The following PARP16 variants were observed in gnomAD, a reference collection of about 807,000 sequenced individuals.
The protein encoded by PARP16 is poly(ADP-ribose) polymerase family member 16, also known as protein mono-ADP-ribosyltransferase PARP16.
Under a neutral mutation model 35.0 loss-of-function variants are expected in PARP16, and 31 were observed. The ratio of observed to expected loss-of-function variants is 0.88; its 90% CI spans 0.66 to 1.19. The LOEUF (loss-of-function observed/expected upper bound fraction) is 1.19. Among genes scored for constraint, PARP16 ranks in the 50% most tolerant of loss-of-function variants. PARP16 has a pLI of 0.00. For synonymous variants in PARP16, 162 were observed against 169.5 expected, an observed-to-expected ratio of 0.96 and a Z score of 0.34; for missense variants, 424 against 411.2, an observed-to-expected ratio of 1.03 and a Z score of -0.27.
intron 1 of PARP16, among the ~76,000 whole-genome samples, chr15:65,284,382 G>T (rs1464376441): frequency 3.0e-5 from 3 of 100,886 alleles, no homozygotes; most frequent in African/African-American, 4.0e-5. Flanking sequence ...TTGCTCTGTT[G>T]CCCAGGCTGG....
chr15:65,236,970 T>TC (rs2088897050), intron 3 of PARP16, among the ~76,000 whole-genome samples: 1 of 104,992 alleles, frequency 9.5e-6, no homozygotes, highest in Non-Finnish European at 1.8e-5. Context: ...AGACTCTGTC[T>TC]CAAAAAAAAA....
downstream of PARP16, among the ~76,000 whole-genome samples, chr15:65,233,696 A>G (rs527869798): frequency 6.6e-6 from 1 of 152,018 alleles, no homozygotes; most frequent in Non-Finnish European, 1.5e-5. Flanking sequence ...GGACTATGCC[A>G]CTGCACTCCA....
At chr15:65,264,447 T>C (rs1418043227) in intron 3 of PARP16, among the ~76,000 whole-genome samples, 1 of 152,172 alleles carries the variant, frequency 6.6e-6, no homozygotes, top group East Asian at 1.9e-4. Flanking sequence ...CTGAAGAATA[T>C]CTTATGCTCT....
chr15:65,278,423 A>G (rs2090321870), intron 1 of PARP16, among the ~76,000 whole-genome samples: 1 of 152,234 alleles, frequency 6.6e-6, no homozygotes, highest in Non-Finnish European at 1.5e-5. Flanking sequence ...TGCTGTGGGG[A>G]CTAAGGAAGG....
chr15:65,286,289 G>A lies in PARP16; in HGVS notation c.138C>T (p.Ser46=), dbSNP rs2090591537. 6.9e-6 allele frequency: 11 copies of A among 1,600,736 alleles called. No homozygotes were observed. The highest frequency in any genetic ancestry group is 9.4e-6 in the Non-Finnish European group (11 of 1,175,008). The change falls in exon 1 of 6, where the codon TCC becomes TCT. Residue 46 remains serine (S), a synonymous_variant. Transcript: ENST00000649807. ...AGTCCTTACAGTCGCCGCGGGCGTA[G>A]GACGCGGGGAAGGGCCGCAGCACCG... ...RDSVLRPFPA[S]YARGDCKDFE...
intron 1 of PARP16, among the ~76,000 whole-genome samples, chr15:65,275,990 G>A (rs2090241538): frequency 6.6e-6 from 1 of 152,054 alleles, no homozygotes; most frequent in Non-Finnish European, 1.5e-5. Context: ...AGCTAGCCAG[G>A]TGCCTTTCAG....
intron 4 of PARP16, among the ~76,000 whole-genome samples, chr15:65,261,841 A>AAAAC (rs1309935458): frequency 6.6e-6 from 1 of 152,196 alleles, no homozygotes; most frequent in African/African-American, 2.4e-5. Flanking sequence ...GACTTGTTTT[A>AAAAC]AAACAAACAA....
intron 3 of PARP16, among the ~76,000 whole-genome samples, chr15:65,241,533 T>C (rs1233110492): frequency 2.0e-5 from 3 of 152,238 alleles, no homozygotes; most frequent in African/African-American, 7.2e-5. Flanking sequence ...GGTCAGTCTT[T>C]TAATTTTCGC....
chr15:65,277,025 T>C (rs1384325270), intron 1 of PARP16, among the ~76,000 whole-genome samples: 1 of 151,910 alleles, frequency 6.6e-6, no homozygotes, highest in Non-Finnish European at 1.5e-5. Context: ...TAAATTCAAA[T>C]TTAACTAGGT....
chr15:65,270,629 T>G (rs995675523), intron 2 of PARP16, among the ~76,000 whole-genome samples: 1 of 152,170 alleles, frequency 6.6e-6, no homozygotes, highest in African/African-American at 2.4e-5. Context: ...CAGTGCCTGA[T>G]GGAAGTATAC....
At chr15:65,235,170 A>G (rs1407245709) in intron 3 of PARP16, among the ~76,000 whole-genome samples, 4 of 151,398 alleles carry the variant, frequency 2.6e-5, no homozygotes, top group Non-Finnish European at 5.9e-5. Flanking sequence ...AGCCGGGCGT[A>G]GTGGTGGGCG....
At chr15:65,262,982 C>T (rs1457322725) in intron 4 of PARP16, among the ~76,000 whole-genome samples, 167 bp downstream of exon 4, 1 of 152,194 alleles carries the variant, frequency 6.6e-6, no homozygotes, top group Non-Finnish European at 1.5e-5. Flanking sequence ...AGTGTTCAAT[C>T]TCTAAGAAGA....
intron 3 of PARP16, chr15:65,248,097 C>T (rs567910612): frequency 2.2e-6 from 1 of 449,854 alleles, no homozygotes; most frequent in African/African-American, 2.0e-5. Flanking sequence ...AGCCACCGCT[C>T]CCGGCCGGAT....
Position 65,258,272 on chromosome 15 carries a change from A to C in PARP16, c.*1135T>G, listed in dbSNP as rs992623351. On this transcript the variant is annotated 3_prime_UTR_variant, in exon 6 of 6. Transcript: ENST00000649807. ...CTATTATGGCTAAAACCCAGCAGGA[A>C]GAAGGGAGCAGAGAATACAGCAAGC... The C allele has an allele frequency of 1.3e-5, 2 of 152,246 alleles. No homozygotes were observed. The highest frequency in any genetic ancestry group is 4.8e-5 in the African/African-American group (2 of 41,458). 9.4% of individuals were successfully genotyped at this position (152,246 alleles called of 1,614,324 possible).
chr15:65,269,176 T>TTTTTTCTTTCTTTCTTTC (rs1555423771), intron 2 of PARP16, among the ~76,000 whole-genome samples: 2 of 146,054 alleles, frequency 1.4e-5, no homozygotes, highest in Non-Finnish European at 3.0e-5. Context: ...TAGTCGGTTT[T>TTTTTTCTTTCTTTCTTTC]TTTCTTTCTT....
intron 1 of PARP16, 64 bp from the exon 2 acceptor site, chr15:65,271,136 T>C: frequency 1.9e-6 from 3 of 1,541,334 alleles, no homozygotes; most frequent in Non-Finnish European, 2.7e-6. Context: ...AGGGGCCCTC[T>C]AGTGGGAAGG....
chr15:65,286,373 C>T lies in PARP16; in HGVS notation c.54G>A (p.Leu18=). 6.4e-7 allele frequency: 1 copy of T among 1,570,722 alleles called. No individual in the cohort carries two copies. Among genetic ancestry groups the T allele is most frequent in the Non-Finnish European group, 8.6e-7 (1 of 1,161,686 alleles). Residue 18 remains leucine (L), a synonymous_variant, in exon 1 of 6, where the codon CTG becomes CTA. Coordinates refer to ENST00000649807, the MANE Select transcript of PARP16 (RefSeq NM_001316943.2). The part of the protein sequence containing the change: ...AAREAAGRDM[L]AADLRCSLFA... ...AGAGGCTGCACCGGAGGTCGGCGGC[C>T]AGCATGTCGCGGCCCGCCGCCTCCC... is the stretch of plus-strand genomic sequence containing the variant.
rs1485559240 is a variant in PARP16, at chr15:65,260,979, C to G, written c.739G>C (p.Gly247Arg). 1 of 1,612,458 alleles carries G rather than the reference C, an allele frequency of 6.2e-7. No individual in the cohort carries two copies. The highest frequency in any genetic ancestry group is 8.5e-7 in the Non-Finnish European group (1 of 1,178,552). Reference protein sequence around the residue: ...RRRARIKHSEGGDIPPKYFVV... With the variant: ...RRRARIKHSERGDIPPKYFVV... ...AAGTACTTGGGAGGGATGTCTCCCC[C>G]TTCACTATGTTTGATTCTCGCTCGT... Residue 247 changes from glycine (G) to arginine (R), a missense_variant, in exon 5 of 6, where the codon GGG becomes CGG. Transcript: ENST00000649807.
intron 4 of PARP16, among the ~76,000 whole-genome samples, chr15:65,261,837 T>C (rs2089729298): frequency 6.6e-6 from 1 of 152,172 alleles, no homozygotes; most frequent in Non-Finnish European, 1.5e-5. Flanking sequence ...CCAAGACTTG[T>C]TTTAAAACAA....
Sources: gnomAD v4.1 joint callset for allele counts (sites outside exome capture counted in the v4.1 genomes callset) on GRCh38, gnomAD v4.1.1 for gene constraint, MANE v1.5 for transcripts, NCBI Gene and HGNC (gene_info 2026-07-23, HGNC 2026-07-21) for gene names.